TBXAS1: variants seen among roughly 807,000 people sequenced by gnomAD.
TBXAS1 encodes the protein thromboxane-A synthase.
TBXAS1 carries 48 observed loss-of-function variants against 60.7 expected under a neutral mutation model. That is an observed-to-expected ratio of 0.79 (90% confidence interval 0.63 to 1.01). TBXAS1 has a LOEUF of 1.01. TBXAS1 is among the 50% of genes least tolerant of loss of function. The pLI is 0.00. For synonymous variants in TBXAS1, 287 were observed against 269.7 expected (o/e 1.06, Z -0.63); for missense variants, 685 against 686.3 (o/e 1.00, Z 0.02).
At chr7:139,904,637 A>G (rs573336750) in intron 3 of TBXAS1, among the ~76,000 whole-genome samples, 1 of 152,236 alleles carries the variant, frequency 6.6e-6, no homozygotes, top group Admixed American at 6.5e-5. Context: ...AGTGTTTTGT[A>G]GTTTTCCTTG....
chr7:139,804,011 C>T (rs550582792), intron 4 of TBXAS1, among the ~76,000 whole-genome samples: 1 of 152,176 alleles, frequency 6.6e-6, no homozygotes, highest in African/African-American at 2.4e-5. Flanking sequence ...CCTAGTGGAG[C>T]TGTGAGAAGA....
intron 9 of TBXAS1, among the ~76,000 whole-genome samples, chr7:139,965,503 T>A (rs1584967586): frequency 6.6e-6 from 1 of 152,136 alleles, no homozygotes; most frequent in Non-Finnish European, 1.5e-5. Context: ...GGCACAATCT[T>A]GGCTCACAGC....
At chr7:139,835,146 A>G (rs1229027263) in intron 1 of TBXAS1, among the ~76,000 whole-genome samples, 1 of 150,786 alleles carries the variant, frequency 6.6e-6, no homozygotes, top group Non-Finnish European at 1.5e-5. Flanking sequence ...GGCTCACTGC[A>G]AGCTCTGCCT....
At chr7:139,825,022 GT>G, upstream of TBXAS1, among the ~76,000 whole-genome samples, 1 of 151,852 alleles carries the variant, frequency 6.6e-6, no homozygotes, top group African/African-American at 2.4e-5. Flanking sequence ...TAGAGACAGG[GT>G]TTTGCCATGT....
intron 5 of TBXAS1, among the ~76,000 whole-genome samples, chr7:139,946,844 C>G (rs1271756244): frequency 6.6e-6 from 1 of 152,322 alleles, no homozygotes; most frequent in South Asian, 2.1e-4. Flanking sequence ...CAAGATCACA[C>G]AGCTATAAAG....
At chr7:139,908,992 C>G (rs2117038893) in intron 3 of TBXAS1, among the ~76,000 whole-genome samples, 1 of 152,140 alleles carries the variant, frequency 6.6e-6, no homozygotes, top group South Asian at 2.1e-4. Flanking sequence ...AAAAATGTGC[C>G]ACTTCCTTCT....
At position 139,961,827 on chromosome 7, in the gene TBXAS1, T is replaced by C. The variant is rs1810371999; in HGVS notation, c.820-92T>C. 5.4e-6 allele frequency: 8 copies of C among 1,489,280 alleles called. No individual in the cohort carries two copies. The South Asian group carries it at 7.0e-5, about 13-fold the overall frequency. 92.3% of individuals were successfully genotyped at this position (1,489,280 alleles called of 1,614,324 possible). A position where few individuals can be genotyped will look rare whatever the true frequency, so the allele number is the denominator to read the frequency against. On this transcript the variant is annotated intron_variant, in intron 8 of 12. Coordinates refer to ENST00000448866, the MANE Select transcript of TBXAS1 (RefSeq NM_001061.7). ...TTGCTACTGAGCTCTTCAAAAGCTA[T>C]GCCCATGTATCTTCCTCCTTTGTTC... is the stretch of plus-strand genomic sequence containing the variant.
chr7:139,878,108 TGAGAGAGAGA>T (rs3070223), intron 3 of TBXAS1, among the ~76,000 whole-genome samples: 2 of 146,940 alleles, frequency 1.4e-5, no homozygotes, highest in Non-Finnish European at 3.0e-5. Flanking sequence ...TGTGTGTGTG[TGAGAGAGAGA>T]GAGAGAGAGA....
chr7:139,897,201 C>T (rs951153745), intron 3 of TBXAS1, among the ~76,000 whole-genome samples: 1 of 151,998 alleles, frequency 6.6e-6, no homozygotes, highest in African/African-American at 2.4e-5. Flanking sequence ...ACTAGAGAAC[C>T]ACTAGGAGTC....
At chr7:139,839,350 T>A (rs913741710) in intron 1 of TBXAS1, among the ~76,000 whole-genome samples, 2 of 152,188 alleles carry the variant, frequency 1.3e-5, no homozygotes, top group African/African-American at 2.4e-5. Context: ...GTTTCAGGAC[T>A]GTAGTCTAAT....
intron 3 of TBXAS1, among the ~76,000 whole-genome samples, chr7:139,910,205 CT>C (rs1805408895): frequency 6.6e-6 from 1 of 152,162 alleles, no homozygotes; most frequent in South Asian, 2.1e-4. Context: ...GTGACTGGGT[CT>C]TGATTTGCTT....
intron 9 of TBXAS1, among the ~76,000 whole-genome samples, chr7:139,968,902 G>C (rs980597023): frequency 3.3e-5 from 5 of 152,138 alleles, no homozygotes; most frequent in African/African-American, 1.2e-4. Context: ...TATTTAATGA[G>C]ACCTTTGTTA....
intron 3 of TBXAS1, among the ~76,000 whole-genome samples, chr7:139,902,860 A>G (rs1047847191): frequency 6.6e-6 from 1 of 152,170 alleles, no homozygotes; most frequent in African/African-American, 2.4e-5. Context: ...ATGGCTAATA[A>G]TGTTAAACAT....
chr7:139,883,095 T>C (rs1802821893), intron 3 of TBXAS1, among the ~76,000 whole-genome samples: 1 of 152,138 alleles, frequency 6.6e-6, no homozygotes. Context: ...ACAGGACAAC[T>C]ATCACCAAGC....
intron 4 of TBXAS1, among the ~76,000 whole-genome samples, chr7:139,806,238 C>CTAAGTTATTT (rs1477865851): frequency 3.0e-5 from 3 of 100,286 alleles, no homozygotes; most frequent in Admixed American, 2.9e-4. Flanking sequence ...TGTGCCTGGC[C>CTAAGTTATTT]TATGTTATTT....
intron 9 of TBXAS1, among the ~76,000 whole-genome samples, chr7:139,964,211 G>A (rs1442252307): frequency 6.6e-6 from 1 of 152,140 alleles, no homozygotes; most frequent in South Asian, 2.1e-4. Context: ...TCAGCCTCCC[G>A]AGTTGCTGGC....
chr7:139,893,654 A>G (rs1803837651), intron 3 of TBXAS1, among the ~76,000 whole-genome samples: 1 of 152,220 alleles, frequency 6.6e-6, no homozygotes, highest in African/African-American at 2.4e-5. Flanking sequence ...TGCACCAAGA[A>G]CAGTAACTTG....
intron 4 of TBXAS1, among the ~76,000 whole-genome samples, chr7:139,790,073 G>A (rs1216752334): frequency 6.6e-6 from 1 of 152,122 alleles, no homozygotes; most frequent in Non-Finnish European, 1.5e-5. Flanking sequence ...AAAGTAATCT[G>A]TTTCTATGTT....
At chr7:139,861,964 G>A (rs1322969526) in intron 1 of TBXAS1, among the ~76,000 whole-genome samples, 1 of 152,168 alleles carries the variant, frequency 6.6e-6, no homozygotes, top group Non-Finnish European at 1.5e-5. Context: ...TCCTCCAACT[G>A]GGAGGGACAG....
Sources: gnomAD v4.1 joint callset for allele counts (sites outside exome capture counted in the v4.1 genomes callset) on GRCh38, gnomAD v4.1.1 for gene constraint, MANE v1.5 for transcripts, NCBI Gene and HGNC (gene_info 2026-07-23, HGNC 2026-07-21) for gene names.